ECSCR: variants seen among roughly 807,000 people sequenced by gnomAD.
The protein encoded by ECSCR is endothelial cell-specific chemotaxis regulator.
Under a neutral mutation model 16.7 loss-of-function variants are expected in ECSCR, and 12 were observed. That is an observed-to-expected ratio of 0.72 (90% CI 0.46 to 1.17). The LOEUF is 1.17. Ranked by LOEUF, ECSCR falls within the 50% of genes most tolerant of loss-of-function variation. The pLI is 0.00. For synonymous variants in ECSCR, 44 were observed against 42.2 expected, an observed-to-expected ratio of 1.04 and a Z score of -0.17; for missense variants, 122 against 116.1, an observed-to-expected ratio of 1.05 and a Z score of -0.23.
intron 5 of ECSCR, among the ~76,000 whole-genome samples, chr5:139,456,149 G>C (rs1446232317): frequency 6.6e-6 from 1 of 151,968 alleles, no homozygotes; most frequent in African/African-American, 2.4e-5. Context: ...ATAAAAACTA[G>C]CTGGGCCTTT....
chr5:139,457,481 G>A, intron 4 of ECSCR, 64 bp downstream of exon 4: 1 of 780,132 alleles, frequency 1.3e-6, no homozygotes, highest in Admixed American at 1.7e-5. Flanking sequence ...TTTTAGAGCA[G>A]AAACTGTTGG....
chr5:139,457,536 A>G lies in ECSCR; in HGVS notation c.217+9T>C. 1 of 783,380 alleles carries G rather than the reference A, an allele frequency of 1.3e-6. No individual in the cohort carries two copies. Among genetic ancestry groups the G allele is most frequent in the Non-Finnish European group, 2.4e-6 (1 of 420,308 alleles). 48.5% of individuals were successfully genotyped at this position (783,380 alleles called of 1,614,324 possible). A position where few individuals can be genotyped will look rare whatever the true frequency, so the allele number is the denominator to read the frequency against. ...CTGGATGGCATTTGTAGTCTGAATG[A>G]CACAGTACCTGGGGTACCAGTGCTG... is the stretch of plus-strand genomic sequence containing the variant. On this transcript the variant is annotated intron_variant, in intron 4 of 9. Coordinates refer to ENST00000618155, the MANE Select transcript of ECSCR (RefSeq NM_001077693.4).
intron 1 of ECSCR, 63 bp from the exon 2 acceptor site, chr5:139,458,246 G>A: frequency 6.7e-7 from 1 of 1,482,078 alleles, no homozygotes; most frequent in Non-Finnish European, 9.2e-7. Flanking sequence ...GCCTAGAAAG[G>A]AACCCTTAGA....
In ECSCR at chr5:139,450,508, TG is replaced by T. The variant is rs1478603439; in HGVS notation, c.513-1335del. 2.1e-4 allele frequency among the ~76,000 whole-genome samples: 28 copies of T among 135,770 alleles called. No individual in the cohort carries two copies. In the South Asian group the frequency reaches 3.9e-3, roughly 19 times the overall value. 89.1% of individuals were successfully genotyped at this position (135,770 alleles called of 152,430 possible). A position where few individuals can be genotyped will look rare whatever the true frequency, so the allele number is the denominator to read the frequency against. ...AAAAAAAAAAAAAGGCTGGGCATGG[TG>T]GCTCATGCCTGTAATCCCAGCGCTT... On this transcript the variant is annotated intron_variant, in intron 8 of 9. Coordinates refer to ENST00000618155, the MANE Select transcript of ECSCR (RefSeq NM_001077693.4).
Position 139,456,305 on chromosome 5 carries a change from A to G in ECSCR, c.262+169T>C, listed in dbSNP as rs970336513. Among the ~76,000 whole-genome samples, 25 of 152,104 alleles carry G rather than the reference A, an allele frequency of 1.6e-4. No individual in the cohort carries two copies. The South Asian group carries it at 4.8e-3, about 29-fold the overall frequency. ...ATGTCACCTGTGTCTTCCCTTCTCA[A>G]CCCATTGTACTTCAGGCCCAATTGC... is the stretch of plus-strand genomic sequence containing the variant. On this transcript the variant is annotated intron_variant, in intron 5 of 9. Transcript: ENST00000618155.
Position 139,456,490 on chromosome 5 carries a change from G to A in ECSCR, c.246C>T (p.Asp82=), listed in dbSNP as rs1254480828. The part of the protein sequence containing the change: ...PGAGVPSSGR[D]GGTSRDTFQT... ...AGGACATACCTCTGCTTGTGCCTCC[G>A]TCTCTTCCACTGCTGGGGACACCTG... Residue 82 remains aspartate, a synonymous_variant, in exon 5 of 10, where the codon GAC becomes GAT. Transcript: ENST00000618155. The A allele has an allele frequency of 2.0e-5, 8 of 398,526 alleles. No individual in the cohort carries two copies. Among genetic ancestry groups the A allele is most frequent in the Admixed American group, 4.4e-5 (1 of 22,702 alleles). 24.7% of individuals were successfully genotyped at this position (398,526 alleles called of 1,614,324 possible).
In ECSCR at chr5:139,457,596, G is replaced by A; in HGVS notation, c.166C>T (p.Pro56Ser). ...EPVSSNPGYI[P>S]SSEANRPSHL... ...CTTGGCCTGTTAGCCTCTGAGGAAG[G>A]GATGTATCCTGCAAGGACAGAGGCA... Residue 56 changes from proline (P) to serine (S), a missense_variant, in exon 4 of 10, where the codon CCT (proline) becomes TCT (serine). Pro to Ser is a moderately conservative substitution (Grantham distance 74, BLOSUM62 -1). Coordinates refer to ENST00000618155, the MANE Select transcript of ECSCR (RefSeq NM_001077693.4). 1.2e-6 allele frequency: 1 copy of A among 846,808 alleles called. No homozygotes were observed. Among genetic ancestry groups the A allele is most frequent in the South Asian group, 1.3e-5 (1 of 75,934 alleles). 52.5% of individuals were successfully genotyped at this position (846,808 alleles called of 1,614,324 possible).
At chr5:139,459,518 T>C (rs1751245346) in intron 1 of ECSCR, among the ~76,000 whole-genome samples, 1 of 152,204 alleles carries the variant, frequency 6.6e-6, no homozygotes, top group African/African-American at 2.4e-5. Context: ...CAAATGTATG[T>C]GCATGCTCGT....
At chr5:139,453,928 T>C (rs1309720754) in intron 8 of ECSCR, among the ~76,000 whole-genome samples, 1 of 144,748 alleles carries the variant, frequency 6.9e-6, no homozygotes, top group Non-Finnish European at 1.5e-5. Context: ...GTGTGTGGTA[T>C]GTGGGGTGTG....
In ECSCR at chr5:139,449,120, G is replaced by A; in HGVS notation, c.567C>T (p.Asn189=). The stretch of plus-strand genomic sequence containing the variant: ...TTTGTTTGCCATTATTCATGTTGAT[G>A]TTCTTCATGGAGATAAGGGTGATGC... ...KDSITLISMK[N]INMNNGKQSL... The change falls in exon 9 of 10, where the codon AAC becomes AAT. Residue 189 remains asparagine, a synonymous_variant. Coordinates refer to ENST00000618155, the MANE Select transcript of ECSCR (RefSeq NM_001077693.4). The A allele has an allele frequency of 1.3e-6, 2 of 1,537,202 alleles. No individual in the cohort carries two copies. Among genetic ancestry groups the A allele is most frequent in the Non-Finnish European group, 8.7e-7 (1 of 1,146,892 alleles).
intron 6 of ECSCR, 58 bp from the exon 7 acceptor site, chr5:139,454,981 A>G: frequency 2.5e-6 from 1 of 398,742 alleles, no homozygotes. Context: ...AGGGGCCAAC[A>G]AGAGTCCGGC....
chr5:139,449,314 T>C, intron 8 of ECSCR, 140 bp from the exon 9 acceptor site: 1 of 651,340 alleles, frequency 1.5e-6, no homozygotes, highest in Admixed American at 2.7e-5. Context: ...GAAATGCGAG[T>C]GTGCTTTGAA....
chr5:139,454,305 G>A (rs1277406465), intron 8 of ECSCR, among the ~76,000 whole-genome samples: 2 of 147,940 alleles, frequency 1.4e-5, no homozygotes, highest in Non-Finnish European at 3.0e-5. Context: ...GTGTGTGGGA[G>A]GCGTGTATAA....
chr5:139,451,555 C>T (rs1230830783), intron 8 of ECSCR, among the ~76,000 whole-genome samples: 8 of 82,128 alleles, frequency 9.7e-5, no homozygotes, highest in African/African-American at 2.5e-4. Context: ...GTATAGGGTA[C>T]GGGGTGTGTG....
chr5:139,455,180 C>T, intron 6 of ECSCR, 143 bp downstream of exon 6: 1 of 245,126 alleles, frequency 4.1e-6, no homozygotes. Flanking sequence ...GGCAGGGGCC[C>T]CCCTCCACAA....
chr5:139,457,931 C>A, intron 2 of ECSCR, 124 bp from the exon 3 acceptor site: 1 of 1,234,222 alleles, frequency 8.1e-7, no homozygotes, highest in Non-Finnish European at 1.2e-6. Flanking sequence ...CCCAACCATT[C>A]ACCTCTTTTT....
chr5:139,456,223 G>A (rs1751156244), intron 5 of ECSCR, among the ~76,000 whole-genome samples: 2 of 152,158 alleles, frequency 1.3e-5, no homozygotes, highest in Admixed American at 6.5e-5. Context: ...GGATCGCACC[G>A]CTGCACTCCA....
At chr5:139,462,278 G>T (rs575793747) in intron 1 of ECSCR, among the ~76,000 whole-genome samples, 1 of 152,290 alleles carries the variant, frequency 6.6e-6, no homozygotes, top group East Asian at 1.9e-4. Context: ...GAGGGTGAGG[G>T]TCATGAGTAG....
At chr5:139,461,283 T>G (rs767742245) in intron 1 of ECSCR, among the ~76,000 whole-genome samples, 49 of 152,138 alleles carry the variant, frequency 3.2e-4, no homozygotes, top group Non-Finnish European at 8.8e-5. Context: ...GACACTTTTG[T>G]TTTTGCCCTG....
Sources: allele counts gnomAD v4.1 joint callset (sites outside exome capture counted in the v4.1 genomes callset), GRCh38; gene constraint gnomAD v4.1.1; transcripts MANE v1.5; gene names NCBI Gene and HGNC (gene_info 2026-07-23, HGNC 2026-07-21).